Variants in DNAH8 observed in about 807,000 individuals in gnomAD.
The protein encoded by DNAH8 is axonemal beta dynein heavy chain 8.
Under a neutral mutation model 562.1 loss-of-function variants are expected in DNAH8, and 382 were observed. The observed-to-expected ratio is 0.68, with a 90% CI of 0.63 to 0.74. DNAH8 has a LOEUF of 0.74. Ranked by LOEUF, DNAH8 falls within the 30% of genes least tolerant of loss-of-function variation. The pLI is 0.00. For synonymous variants in DNAH8, 1,881 were observed against 1,919.4 expected (o/e 0.98, Z 0.52); for missense variants, 5,203 against 5,620.4 (o/e 0.93, Z 2.37).
intron 9 of DNAH8, among the ~76,000 whole-genome samples, chr6:38,751,178 T>G (rs1765418368): frequency 6.6e-6 from 1 of 152,186 alleles, no homozygotes; most frequent in Admixed American, 6.5e-5. Flanking sequence ...GGGGAGAGTC[T>G]TCTTCTCAGT....
intron 52 of DNAH8, 31 bp downstream of exon 52, chr6:38,873,407 C>T (rs192818024): frequency 6.8e-5 from 105 of 1,545,836 alleles, no homozygotes; most frequent in East Asian, 4.6e-4. Flanking sequence ...TTTACTACTT[C>T]GATTTTGATT....
At chr6:38,981,889 G>A (rs1200738301) in intron 85 of DNAH8, among the ~76,000 whole-genome samples, 6 of 152,136 alleles carry the variant, frequency 3.9e-5, no homozygotes, top group Admixed American at 2.6e-4. Context: ...GCCACATAAC[G>A]TTTCAGTCAA....
Position 38,987,880 on chromosome 6 carries a change from A to G in DNAH8, c.13054-2132A>G, listed in dbSNP as rs529328292. Among the ~76,000 whole-genome samples the G allele has an allele frequency of 2.6e-5, 4 of 152,344 alleles. No homozygotes were observed. The South Asian group carries it at 6.2e-4, about 24-fold the overall frequency. On this transcript the variant is annotated intron_variant, in intron 87 of 92. Transcript: ENST00000327475. Reference sequence around the variant, plus strand: ...AGTTTGGGTCTCTGGCCCTAAGGGCATGAGCTTACCACATGAACCTGGCAG... The same window carrying G: ...AGTTTGGGTCTCTGGCCCTAAGGGCGTGAGCTTACCACATGAACCTGGCAG...
At chr6:38,745,942 T>C (rs1764890454) in intron 8 of DNAH8, among the ~76,000 whole-genome samples, 1 of 152,206 alleles carries the variant, frequency 6.6e-6, no homozygotes, top group South Asian at 2.1e-4. Context: ...TGTTTTAAAA[T>C]TGATCATTTA....
At position 38,851,442 on chromosome 6, in the gene DNAH8, T is replaced by G. The variant is rs1775735270; in HGVS notation, c.5364-130T>G. 4 of 593,468 alleles carry G rather than the reference T, an allele frequency of 6.7e-6. No homozygotes were observed. In the Admixed American group the frequency reaches 1.3e-4, roughly 19 times the overall value. 36.8% of individuals were successfully genotyped at this position (593,468 alleles called of 1,614,324 possible). On this transcript the variant is annotated intron_variant, in intron 38 of 92. Coordinates refer to ENST00000327475, the MANE Select transcript of DNAH8 (RefSeq NM_001206927.2). ...TGGTTTTCACCAAACATTGCAGGGG[T>G]AGGTGATAAGTGACTTTAGGTGTTT...
chr6:38,997,919 G>A (rs993017049), intron 88 of DNAH8, among the ~76,000 whole-genome samples: 4 of 151,998 alleles, frequency 2.6e-5, no homozygotes, highest in Non-Finnish European at 5.9e-5. Context: ...CACCAGGCCC[G>A]GCTAATATTT....
At chr6:38,724,974 T>C (rs1285864286) in intron 3 of DNAH8, among the ~76,000 whole-genome samples, 1 of 152,014 alleles carries the variant, frequency 6.6e-6, no homozygotes, top group Non-Finnish European at 1.5e-5. Context: ...TTTAGCTTGC[T>C]CTAGGAGCCA....
chr6:39,026,199 T>C (rs774878670), intron 91 of DNAH8, among the ~76,000 whole-genome samples: 1 of 152,222 alleles, frequency 6.6e-6, no homozygotes, highest in Non-Finnish European at 1.5e-5. Context: ...CCGATCTTAT[T>C]CCTCAATATT....
chr6:38,935,738 A>G (rs772581620), intron 77 of DNAH8, 41 bp downstream of exon 77: 1 of 1,413,270 alleles, frequency 7.1e-7, no homozygotes, highest in Non-Finnish European at 9.9e-7. Flanking sequence ...CGGATTCTGA[A>G]TAAGGATTTC....
chr6:38,862,482 A>G (rs1337711235), intron 44 of DNAH8, 24 bp downstream of exon 44: 2 of 1,577,116 alleles, frequency 1.3e-6, no homozygotes, highest in Non-Finnish European at 8.6e-7. Flanking sequence ...AATGTAGATT[A>G]TTTTAGGTGA....
intron 65 of DNAH8, 89 bp downstream of exon 65, chr6:38,909,833 T>A (rs2150527706): frequency 1.9e-6 from 2 of 1,026,706 alleles, no homozygotes; most frequent in African/African-American, 1.6e-5. Flanking sequence ...AGAAGACTCT[T>A]TCTATTCATT....
intron 22 of DNAH8, 90 bp downstream of exon 22, chr6:38,803,401 G>A (rs1770962052): frequency 2.2e-6 from 2 of 905,168 alleles, no homozygotes; most frequent in Non-Finnish European, 3.3e-6. Context: ...CTGAATTCCA[G>A]ACCCTCCCTT....
chr6:39,004,576 T>G (rs1329699005), intron 88 of DNAH8, among the ~76,000 whole-genome samples: 2 of 152,252 alleles, frequency 1.3e-5, no homozygotes, highest in Non-Finnish European at 2.9e-5. Context: ...CTGCATATCT[T>G]AAATTATCTC....
intron 54 of DNAH8, 24 bp downstream of exon 54, chr6:38,883,076 A>G (rs1163891137): frequency 6.4e-7 from 1 of 1,551,978 alleles, no homozygotes. Context: ...ATAGTTCCTT[A>G]AATGATCACA....
chr6:38,862,173 G>C, intron 43 of DNAH8, 107 bp from the exon 44 acceptor site: 1 of 947,814 alleles, frequency 1.1e-6, no homozygotes, highest in Non-Finnish European at 1.6e-6. Flanking sequence ...GGGCTACTCA[G>C]ACTCTAAAAT....
Position 38,860,441 on chromosome 6 carries a change from A to G in DNAH8, c.5959-16A>G. On this transcript the variant is annotated splice_polypyrimidine_tract_variant and intron_variant, in intron 42 of 92. Coordinates refer to ENST00000327475, the MANE Select transcript of DNAH8 (RefSeq NM_001206927.2). ...GCAATTCAGTATATAATTTTTTTGTATTTTATGTTTTTAAGGTAAAAATGC... is the reference window on the plus strand; with the variant it reads ...GCAATTCAGTATATAATTTTTTTGTGTTTTATGTTTTTAAGGTAAAAATGC... 1 of 1,380,442 alleles carries G rather than the reference A, an allele frequency of 7.2e-7. No individual in the cohort carries two copies. Among genetic ancestry groups the G allele is most frequent in the East Asian group, 2.7e-5 (1 of 36,880 alleles). The allele number at this position is 1,380,442 out of a possible 1,614,324, so 85.5% of individuals were successfully genotyped here. A position where few individuals can be genotyped will look rare whatever the true frequency, so the allele number is the denominator to read the frequency against.
At position 38,737,050 on chromosome 6, in the gene DNAH8, A is replaced by G. The variant is rs1562595233; in HGVS notation, c.763-17A>G. 3 of 1,503,814 alleles carry G rather than the reference A, an allele frequency of 2.0e-6. No individual in the cohort carries two copies. The highest frequency in any genetic ancestry group is 1.4e-5 in the South Asian group (1 of 70,428). The allele number at this position is 1,503,814 out of a possible 1,614,324, so 93.2% of individuals were successfully genotyped here. On this transcript the variant is annotated splice_polypyrimidine_tract_variant and intron_variant, in intron 5 of 92. Transcript: ENST00000327475. Reference sequence around the variant, plus strand: ...GGGATTAGCATGTAAAATAACATTTAAACTCCACCCTTTCAGGAAGCGCTC... The same window carrying G: ...GGGATTAGCATGTAAAATAACATTTGAACTCCACCCTTTCAGGAAGCGCTC...
intron 11 of DNAH8, among the ~76,000 whole-genome samples, chr6:38,768,747 A>T (rs1048986782): frequency 6.6e-6 from 1 of 152,062 alleles, no homozygotes; most frequent in South Asian, 2.1e-4. Context: ...TTATTTACTA[A>T]TATTATTTAT....
intron 88 of DNAH8, among the ~76,000 whole-genome samples, chr6:39,000,007 C>T (rs1765382773): frequency 6.6e-6 from 1 of 151,744 alleles, no homozygotes; most frequent in Admixed American, 6.6e-5. Flanking sequence ...TATGTTTTTA[C>T]CATAAGAAGG....
Sources: allele counts gnomAD v4.1 joint callset (sites outside exome capture counted in the v4.1 genomes callset), GRCh38; gene constraint gnomAD v4.1.1; transcripts MANE v1.5; gene names NCBI Gene and HGNC (gene_info 2026-07-23, HGNC 2026-07-21).